The following PARD6G variants were observed in gnomAD, a reference collection of about 807,000 sequenced individuals.
PARD6G encodes partitioning defective 6 homolog gamma.
In PARD6G, 7 loss-of-function variants were observed where a neutral mutation model predicts 10.7. The ratio of observed to expected loss-of-function variants is 0.66; its 90% CI spans 0.37 to 1.23. The LOEUF (loss-of-function observed/expected upper bound fraction) is 1.23. Among genes scored for constraint, PARD6G ranks in the 50% most tolerant of loss-of-function variants. The pLI, the probability that PARD6G is intolerant of heterozygous loss-of-function variation, is 0.02. For synonymous variants in PARD6G, 287 were observed against 269.4 expected, an observed-to-expected ratio of 1.07 and a Z score of -0.64; for missense variants, 548 against 571.8, an observed-to-expected ratio of 0.96 and a Z score of 0.42.
Position 80,183,254 on chromosome 18 carries a change from G to A in PARD6G, c.295+19456C>T, listed in dbSNP as rs901611273. 12 of 697,926 alleles carry A rather than the reference G, an allele frequency of 1.7e-5. No homozygotes were observed. The highest frequency in any genetic ancestry group is 1.3e-4 in the East Asian group (5 of 37,174). 43.2% of individuals were successfully genotyped at this position (697,926 alleles called of 1,614,324 possible). ...AAAACAAGCTGCAGATAGGCATGGA[G>A]AAGAGCAAAGCCGCATACAGGCATA... On this transcript the variant is annotated intron_variant, in intron 2 of 2. Transcript: ENST00000353265. The surrounding 1 kb of genome is among the most constrained non-coding windows in gnomAD (Gnocchi z 4.5).
intron 1 of PARD6G, among the ~76,000 whole-genome samples, chr18:80,227,874 G>C (rs545500984): frequency 1.3e-5 from 2 of 152,152 alleles, no homozygotes; most frequent in Admixed American, 6.5e-5. Flanking sequence ...CCATTCACGA[G>C]ACGTCAACCC....
Position 80,159,907 on chromosome 18 carries a change from GCCAGGC to G in PARD6G, c.989_994del (p.Gly330_Leu331del). Reference sequence around the variant, plus strand: ...GGCCAGGTCCCGCTGCAGCCGCTGCGCCAGGCCCGCGCCATTGACCCGGGAGAGGCT... The same window carrying G: ...GGCCAGGTCCCGCTGCAGCCGCTGCGCCGCGCCATTGACCCGGGAGAGGCT... On this transcript the variant is annotated inframe_deletion, in exon 3 of 3. Coordinates refer to ENST00000353265, the MANE Select transcript of PARD6G (RefSeq NM_032510.4). 6.6e-7 allele frequency: 1 copy of G among 1,513,422 alleles called. No individual in the cohort carries two copies. The highest frequency in any genetic ancestry group is 8.8e-7 in the Non-Finnish European group (1 of 1,137,544). The allele number at this position is 1,513,422 out of a possible 1,614,324, so 93.7% of individuals were successfully genotyped here. A position where few individuals can be genotyped will look rare whatever the true frequency, so the allele number is the denominator to read the frequency against.
intron 1 of PARD6G, among the ~76,000 whole-genome samples, chr18:80,238,774 T>C (rs1204340956): frequency 6.6e-6 from 1 of 151,408 alleles, no homozygotes; most frequent in African/African-American, 2.4e-5. Context: ...AGGCAGTGAT[T>C]TGAGCCCTGA....
chr18:80,235,288 T>C (rs1032476376), intron 1 of PARD6G, among the ~76,000 whole-genome samples: 1 of 152,046 alleles, frequency 6.6e-6, no homozygotes, highest in Non-Finnish European at 1.5e-5. Context: ...AAGGCAGAAA[T>C]AAAGATGTTC....
At chr18:80,204,700 G>GCTACT (rs1259514014) in intron 1 of PARD6G, among the ~76,000 whole-genome samples, 1 of 152,052 alleles carries the variant, frequency 6.6e-6, no homozygotes, top group Admixed American at 6.6e-5. Flanking sequence ...TGTAATCCCA[G>GCTACT]CAGTTTGGGA....
At chr18:80,225,235 G>T (rs1003760460) in intron 1 of PARD6G, among the ~76,000 whole-genome samples, 1 of 152,126 alleles carries the variant, frequency 6.6e-6, no homozygotes, top group African/African-American at 2.4e-5. Context: ...ATGAAGAGGA[G>T]AATTTTAACA....
chr18:80,170,842 C>A (rs1225627361), intron 2 of PARD6G: 4 of 152,162 alleles, frequency 2.6e-5, no homozygotes, highest in African/African-American at 9.7e-5. Flanking sequence ...TCAAGTGTAG[C>A]CAGGTCCAAT....
At chr18:80,193,177 C>G (rs1966914520) in intron 2 of PARD6G, among the ~76,000 whole-genome samples, 1 of 152,178 alleles carries the variant, frequency 6.6e-6, no homozygotes, top group Non-Finnish European at 1.5e-5. Flanking sequence ...GACGTCCTCC[C>G]CACTCCAGGT....
chr18:80,164,053 T>C (rs2052718856), intron 2 of PARD6G, among the ~76,000 whole-genome samples: 2 of 152,126 alleles, frequency 1.3e-5, no homozygotes, highest in Admixed American at 6.5e-5. Context: ...AAAAGTCTGC[T>C]CTGTCTGTAC....
intron 1 of PARD6G, among the ~76,000 whole-genome samples, chr18:80,227,675 C>T (rs1027407255): frequency 4.1e-4 from 62 of 152,332 alleles, no homozygotes; most frequent in African/African-American, 1.4e-3. Context: ...TCCACACTGG[C>T]GACTGCAAGG....
chr18:80,246,667 C>T lies in PARD6G; in HGVS notation c.72+610G>A, dbSNP rs1967553084. Among the ~76,000 whole-genome samples the T allele has an allele frequency of 7.3e-6, 1 of 136,852 alleles. No individual in the cohort carries two copies. The highest frequency in any genetic ancestry group is 2.4e-4 in the South Asian group (1 of 4,192). 89.8% of individuals were successfully genotyped at this position (136,852 alleles called of 152,430 possible). ...GGGGTGTCTGGCCCGGGGACGCGCC[C>T]GGGGAGGCGTGGTCTGGGTCTGGGC... On this transcript the variant is annotated intron_variant, in intron 1 of 2. Coordinates refer to ENST00000353265, the MANE Select transcript of PARD6G (RefSeq NM_032510.4). The surrounding 1 kb of genome is among the most constrained non-coding windows in gnomAD (Gnocchi z 6.7).
chr18:80,196,754 C>A (rs541000726), intron 2 of PARD6G, among the ~76,000 whole-genome samples: 381 of 152,222 alleles, frequency 2.5e-3, no homozygotes, highest in African/African-American at 8.7e-3. Context: ...GGGCCTCTGG[C>A]TCTGTTTCTT....
intron 1 of PARD6G, among the ~76,000 whole-genome samples, chr18:80,206,575 A>G (rs1967056104): frequency 1.3e-5 from 2 of 152,238 alleles, no homozygotes; most frequent in African/African-American, 4.8e-5. Context: ...GCTAATTATC[A>G]AAATAATTTT....
intron 1 of PARD6G, among the ~76,000 whole-genome samples, chr18:80,224,709 T>C (rs1039371934): frequency 2.0e-5 from 3 of 151,974 alleles, no homozygotes; most frequent in African/African-American, 4.8e-5. Context: ...TAGCCGGGCG[T>C]GATGGCGGGC....
At chr18:80,213,675 T>A (rs1308027142) in intron 1 of PARD6G, among the ~76,000 whole-genome samples, 1 of 152,128 alleles carries the variant, frequency 6.6e-6, no homozygotes, top group African/African-American at 2.4e-5. Flanking sequence ...ATGTTCAGTT[T>A]TGGCCGGGTG....
At chr18:80,227,438 CTGGAGCCAAATG>C (rs1302256999) in intron 1 of PARD6G, among the ~76,000 whole-genome samples, 1 of 152,240 alleles carries the variant, frequency 6.6e-6, no homozygotes, top group Non-Finnish European at 1.5e-5. Flanking sequence ...CTTCCCCCAT[CTGGAGCCAAATG>C]TCAGCATGCA....
chr18:80,239,415 A>G (rs1472064940), intron 1 of PARD6G, among the ~76,000 whole-genome samples: 2 of 152,196 alleles, frequency 1.3e-5, no homozygotes, highest in Non-Finnish European at 2.9e-5. Flanking sequence ...TGGGCCACAC[A>G]TAAAATGCAC....
intron 2 of PARD6G, among the ~76,000 whole-genome samples, chr18:80,186,707 T>A (rs1486034974): frequency 6.6e-6 from 1 of 152,216 alleles, no homozygotes; most frequent in Non-Finnish European, 1.5e-5. Flanking sequence ...GCATTTCGTC[T>A]GTAGCTGCTA....
intron 1 of PARD6G, among the ~76,000 whole-genome samples, chr18:80,222,265 T>A (rs906144878): frequency 1.3e-5 from 2 of 152,000 alleles, no homozygotes; most frequent in Non-Finnish European, 2.9e-5. Flanking sequence ...TTTTTTTTAA[T>A]TTTGTAGAGA....
Sources: gnomAD v4.1 joint callset for allele counts (sites outside exome capture counted in the v4.1 genomes callset) on GRCh38, gnomAD v4.1.1 for gene constraint, Gnocchi (gnomAD v3.1) non-coding constraint, MANE v1.5 for transcripts, NCBI Gene and HGNC (gene_info 2026-07-23, HGNC 2026-07-21) for gene names.